Variants in STK31 observed in about 807,000 individuals in gnomAD.
The protein encoded by STK31 is serine/threonine-protein kinase 31.
A neutral mutation model predicts 129.7 loss-of-function variants in STK31; 89 were observed. That is an observed-to-expected ratio of 0.69 (90% CI 0.58 to 0.82). STK31 has a LOEUF of 0.82. STK31 is among the 40% of genes least tolerant of loss of function. The probability of loss-of-function intolerance (pLI) is 0.00; values close to 1 mark genes in which losing one functional copy is unlikely to be tolerated. For missense variants in STK31, 1,187 were observed against 1,176.4 expected (o/e 1.01, Z -0.13); for synonymous variants, 448 against 395.3 (o/e 1.13, Z -1.58).
chr7:23,753,687 T>TA (rs1351210412), intron 9 of STK31, among the ~76,000 whole-genome samples: 1 of 152,252 alleles, frequency 6.6e-6, no homozygotes, highest in Non-Finnish European at 1.5e-5. Context: ...TGCAAACATT[T>TA]ATTCCTTGAT....
At chr7:23,755,099 A>C (rs938266692) in intron 10 of STK31, 1 of 152,192 alleles carries the variant, frequency 6.6e-6, no homozygotes, top group African/African-American at 2.4e-5. Context: ...TGGTTGAACT[A>C]ATTTACGTTC....
At chr7:23,810,302 G>A (rs996782582) in intron 22 of STK31, among the ~76,000 whole-genome samples, 10 of 151,622 alleles carry the variant, frequency 6.6e-5, no homozygotes, top group Admixed American at 5.3e-4. Context: ...TTTGGAGTAA[G>A]TTTCTTGTAA....
At chr7:23,784,305 A>G (rs960606074) in intron 17 of STK31, among the ~76,000 whole-genome samples, 1 of 152,174 alleles carries the variant, frequency 6.6e-6, no homozygotes, top group Non-Finnish European at 1.5e-5. Context: ...AATGGCTTAA[A>G]TATGGTACAG....
chr7:23,731,076 G>A (rs910093656), intron 6 of STK31, among the ~76,000 whole-genome samples: 1 of 151,222 alleles, frequency 6.6e-6, no homozygotes, highest in Non-Finnish European at 1.5e-5. Context: ...TAGAGGTGGG[G>A]TTTCACCATG....
intron 8 of STK31, among the ~76,000 whole-genome samples, chr7:23,746,696 AT>A (rs1788374650): frequency 2.0e-5 from 3 of 152,186 alleles, no homozygotes. Context: ...TTTACGTTTT[AT>A]TAAGTCTTAA....
chr7:23,761,701 C>G (rs1789475716), intron 10 of STK31, among the ~76,000 whole-genome samples: 1 of 151,130 alleles, frequency 6.6e-6, no homozygotes, highest in Non-Finnish European at 1.5e-5. Context: ...GGCCACCGTG[C>G]CCAGATGTTT....
At chr7:23,721,507 A>T in intron 4 of STK31, 1 of 1,009,540 alleles carries the variant, frequency 9.9e-7, no homozygotes, top group South Asian at 1.3e-5. Context: ...GATTACCCAC[A>T]AATATGTATG....
chr7:23,785,645 T>A, intron 18 of STK31, 42 bp downstream of exon 18: 2 of 1,591,180 alleles, frequency 1.3e-6, no homozygotes, highest in Non-Finnish European at 1.7e-6. Flanking sequence ...TTCAGCAGCA[T>A]AAAGGATAGT....
intron 8 of STK31, among the ~76,000 whole-genome samples, chr7:23,740,464 G>A (rs1419303386): frequency 2.0e-5 from 3 of 152,278 alleles, no homozygotes; most frequent in African/African-American, 7.2e-5. Flanking sequence ...TTGTCTGCAA[G>A]CATGTTTTCA....
At chr7:23,730,759 A>T (rs978437886) in intron 6 of STK31, among the ~76,000 whole-genome samples, 3 of 150,704 alleles carry the variant, frequency 2.0e-5, no homozygotes, top group Non-Finnish European at 4.4e-5. Flanking sequence ...AAAAGACATT[A>T]AAAAAAGTTA....
chr7:23,796,754 CAT>C (rs1269347599), intron 22 of STK31, among the ~76,000 whole-genome samples: 1 of 152,098 alleles, frequency 6.6e-6, no homozygotes, highest in Non-Finnish European at 1.5e-5. Context: ...ATGTCTCACA[CAT>C]AGCAATATGA....
chr7:23,731,508 A>C (rs1264850532), intron 6 of STK31, among the ~76,000 whole-genome samples: 1 of 152,230 alleles, frequency 6.6e-6, no homozygotes, highest in Admixed American at 6.5e-5. Flanking sequence ...CCTGCCAGGT[A>C]GGTGTTAGAT....
chr7:23,794,273 G>C (rs1008688082), intron 22 of STK31, among the ~76,000 whole-genome samples: 1 of 152,186 alleles, frequency 6.6e-6, no homozygotes, highest in Non-Finnish European at 1.5e-5. Context: ...CACAAGATCT[G>C]ATGATTTCAT....
At chr7:23,829,134 C>T (rs1316094838) in intron 23 of STK31, among the ~76,000 whole-genome samples, 2 of 151,606 alleles carry the variant, frequency 1.3e-5, no homozygotes, top group East Asian at 3.9e-4. Flanking sequence ...TGATCTTGAA[C>T]TCCTGACCTC....
chr7:23,769,507 C>G, intron 12 of STK31, 133 bp from the exon 13 acceptor site: 1 of 616,434 alleles, frequency 1.6e-6, no homozygotes, highest in Non-Finnish European at 2.7e-6. Flanking sequence ...AGGGTAGGCA[C>G]TTTTTTTTCC....
intron 23 of STK31, among the ~76,000 whole-genome samples, chr7:23,825,688 G>A (rs974284883): frequency 6.6e-6 from 1 of 152,140 alleles, no homozygotes; most frequent in Non-Finnish European, 1.5e-5. Context: ...TAATTGTGAT[G>A]TTAGGGTGTC....
At chr7:23,710,719 G>A (rs1297929667) in intron 1 of STK31, 2 of 1,074,034 alleles carry the variant, frequency 1.9e-6, no homozygotes, top group Non-Finnish European at 2.3e-6. Context: ...GTACTATTTT[G>A]TGATCTCTGT....
chr7:23,783,219 C>T (rs1791041958), intron 16 of STK31, among the ~76,000 whole-genome samples: 1 of 152,186 alleles, frequency 6.6e-6, no homozygotes, highest in South Asian at 2.1e-4. Context: ...GAACACTTAG[C>T]AGTCTGTAAG....
At chr7:23,714,495 TAGC>T (rs1256435171) in intron 3 of STK31, among the ~76,000 whole-genome samples, 10 of 152,214 alleles carry the variant, frequency 6.6e-5, no homozygotes, top group Non-Finnish European at 1.0e-4. Context: ...AAACTAAAAA[TAGC>T]AGGTGACATT....
Sources: allele counts gnomAD v4.1 joint callset (sites outside exome capture counted in the v4.1 genomes callset), GRCh38; gene constraint gnomAD v4.1.1; transcripts MANE v1.5; gene names NCBI Gene and HGNC (gene_info 2026-07-23, HGNC 2026-07-21).